The following BBX variants were observed in gnomAD, a reference collection of about 807,000 sequenced individuals.
BBX encodes the protein BBX high mobility group box domain containing, also known as HMG box transcription factor BBX.
BBX carries 30 observed loss-of-function variants against 100.2 expected under a neutral mutation model. The observed-to-expected ratio is 0.30, with a 90% CI of 0.22 to 0.41. The LOEUF (loss-of-function observed/expected upper bound fraction) is 0.41, where lower values mean the gene tolerates loss of function less well. Among genes scored for constraint, BBX ranks in the 10% least tolerant of loss-of-function variants. The pLI is 1.00. For synonymous variants in BBX, 376 were observed against 388.1 expected (o/e 0.97, Z 0.37); for missense variants, 1,023 against 1,129.8 (o/e 0.91, Z 1.35).
intron 10 of BBX, among the ~76,000 whole-genome samples, chr3:107,764,167 T>C (rs1213691534): frequency 6.6e-6 from 1 of 152,150 alleles, no homozygotes; most frequent in African/African-American, 2.4e-5. Context: ...TAATTTTGTG[T>C]TTCCAGTAGA....
chr3:107,788,240 A>G (rs909531829), intron 13 of BBX, among the ~76,000 whole-genome samples: 4 of 152,210 alleles, frequency 2.6e-5, no homozygotes, highest in African/African-American at 4.8e-5. Context: ...GTCAGGGAAA[A>G]TAATAAGCAA....
intron 7 of BBX, among the ~76,000 whole-genome samples, chr3:107,734,181 A>G (rs2063496760): frequency 6.6e-6 from 1 of 152,088 alleles, no homozygotes; most frequent in African/African-American, 2.4e-5. Context: ...ATAATAACCT[A>G]TTTACATTAT....
chr3:107,596,161 AT>A (rs1016614489), intron 2 of BBX, among the ~76,000 whole-genome samples: 3 of 152,136 alleles, frequency 2.0e-5, no homozygotes, highest in African/African-American at 7.2e-5. Context: ...CAGCACACTC[AT>A]CTCTTACTTA....
chr3:107,622,388 A>T (rs1238873259), intron 2 of BBX, among the ~76,000 whole-genome samples: 1 of 152,232 alleles, frequency 6.6e-6, no homozygotes, highest in Non-Finnish European at 1.5e-5. Context: ...CAGTGTAAAC[A>T]TTCATGTACA....
intron 2 of BBX, among the ~76,000 whole-genome samples, chr3:107,549,082 T>C (rs2049463333): frequency 6.6e-6 from 1 of 152,150 alleles, no homozygotes; most frequent in Admixed American, 6.5e-5. Context: ...ATCTCAAACC[T>C]CAGCATCATG....
intron 2 of BBX, among the ~76,000 whole-genome samples, chr3:107,641,111 A>C (rs1336711275): frequency 6.9e-6 from 1 of 145,584 alleles, no homozygotes. Flanking sequence ...TTGAGACTGA[A>C]TCTCACTCTG....
Position 107,798,629 on chromosome 3 carries a change from G to A in BBX, c.2460G>A (p.Val820=). The part of the protein sequence containing the change: ...PEPTTTQEPL[V]GSQKRKARKT... ...CAACAACAACGCAAGAACCTTTGGT[G>A]GGCAGCCAAAAGAGAAAAGCAAGGA... Residue 820 remains valine, a synonymous_variant, in exon 16 of 18, where the codon GTG becomes GTA. Coordinates refer to ENST00000325805, the MANE Select transcript of BBX (RefSeq NM_001142568.3). The A allele has an allele frequency of 6.2e-7, 1 of 1,614,052 alleles. No individual in the cohort carries two copies. Among genetic ancestry groups the A allele is most frequent in the Non-Finnish European group, 8.5e-7 (1 of 1,180,012 alleles).
chr3:107,707,147 C>G (rs1560011155), intron 3 of BBX, among the ~76,000 whole-genome samples: 2 of 152,118 alleles, frequency 1.3e-5, no homozygotes, highest in Non-Finnish European at 1.5e-5. Flanking sequence ...CTGTTTTATT[C>G]ATCTTCTGTA....
At chr3:107,605,136 A>C (rs2054335884) in intron 2 of BBX, among the ~76,000 whole-genome samples, 1 of 152,218 alleles carries the variant, frequency 6.6e-6, no homozygotes, top group Non-Finnish European at 1.5e-5. Flanking sequence ...TTTAAAAGGA[A>C]ATGTGTTGTA....
At chr3:107,614,929 A>C (rs2055139528) in intron 2 of BBX, among the ~76,000 whole-genome samples, 1 of 152,158 alleles carries the variant, frequency 6.6e-6, no homozygotes, top group Admixed American at 6.5e-5. Flanking sequence ...GAATGTGAAG[A>C]GTGGCATGAT....
chr3:107,769,721 A>G (rs150826793), intron 10 of BBX, among the ~76,000 whole-genome samples: 163 of 152,272 alleles, frequency 1.1e-3, no homozygotes, highest in African/African-American at 3.8e-3. Context: ...TTTGCTCAAT[A>G]TTTTAAAAAT....
chr3:107,724,128 T>C (rs1222322713), intron 5 of BBX, among the ~76,000 whole-genome samples: 9 of 152,100 alleles, frequency 5.9e-5, no homozygotes, highest in East Asian at 1.9e-4. Context: ...TGGTATCTCA[T>C]TGTGGTTTTG....
At chr3:107,616,990 T>G (rs2055340404) in intron 2 of BBX, among the ~76,000 whole-genome samples, 1 of 152,206 alleles carries the variant, frequency 6.6e-6, no homozygotes, top group Non-Finnish European at 1.5e-5. Flanking sequence ...TAAGATTTTA[T>G]CTTATTTATT....
In BBX at chr3:107,773,170, T is replaced by G; in HGVS notation, c.1449T>G (p.Ile483Met). The change falls in exon 11 of 18, where the codon ATT becomes ATG. Residue 483 changes from isoleucine to methionine, a missense_variant. Around this residue, in one of 9 missense-constraint regions of BBX, gnomAD observed 348 missense variants for 353.2 expected, o/e 0.99. Transcript: ENST00000325805. The surrounding 1 kb of genome is among the most constrained non-coding windows in gnomAD (Gnocchi z 4.1). ...CKKRQSSESD[I>M]ESVIYTIEAV... ...AGAGGCAGTCTTCGGAATCTGACAT[T>G]GAGAGCGTCATATATACCATTGAAG... The G allele has an allele frequency of 2.5e-6, 4 of 1,614,100 alleles. No individual in the cohort carries two copies. Among genetic ancestry groups the G allele is most frequent in the Non-Finnish European group, 3.4e-6 (4 of 1,179,996 alleles).
chr3:107,676,957 A>G (rs1460568596), intron 3 of BBX, among the ~76,000 whole-genome samples: 4 of 152,162 alleles, frequency 2.6e-5, no homozygotes, highest in Admixed American at 2.6e-4. Flanking sequence ...ATTCTTGACT[A>G]GAGGGTATAA....
intron 3 of BBX, among the ~76,000 whole-genome samples, chr3:107,667,585 A>G (rs537590341): frequency 6.6e-6 from 1 of 151,982 alleles, no homozygotes; most frequent in South Asian, 2.1e-4. Context: ...GATGCTAGGA[A>G]ATGCATTTAT....
intron 10 of BBX, among the ~76,000 whole-genome samples, chr3:107,758,602 A>G (rs541989557): frequency 1.3e-3 from 195 of 152,004 alleles, no homozygotes; most frequent in African/African-American, 4.6e-3. Context: ...ACAACAAGAT[A>G]CTTCCTACTG....
Position 107,542,963 on chromosome 3 carries a change from T to C in BBX, c.-84+16565T>C, listed in dbSNP as rs187078664. The stretch of plus-strand genomic sequence containing the variant: ...TTCTCTATTTGTGTTTCTGCATTGT[T>C]AAGCCTGTTGTCATACACACAGTTG... On this transcript the variant is annotated intron_variant, in intron 2 of 17. Coordinates refer to ENST00000325805, the MANE Select transcript of BBX (RefSeq NM_001142568.3). Among the ~76,000 whole-genome samples, 3 of 152,314 alleles carry C rather than the reference T, an allele frequency of 2.0e-5. No individual in the cohort carries two copies. In the East Asian group the frequency reaches 5.8e-4, roughly 29 times the overall value.
intron 2 of BBX, among the ~76,000 whole-genome samples, chr3:107,616,713 T>C (rs545917118): frequency 6.6e-6 from 1 of 152,292 alleles, no homozygotes; most frequent in African/African-American, 2.4e-5. Context: ...TGGTAAATTG[T>C]TCATGTATTT....
Sources: gnomAD v4.1 joint callset for allele counts (sites outside exome capture counted in the v4.1 genomes callset) on GRCh38, gnomAD v4.1.1 for gene constraint, gnomAD v4.1.1 regional missense constraint, Gnocchi (gnomAD v3.1) non-coding constraint, MANE v1.5 for transcripts, NCBI Gene and HGNC (gene_info 2026-07-23, HGNC 2026-07-21) for gene names.